Variants in GALNTL6 observed in about 807,000 individuals in gnomAD.
GALNTL6 encodes the protein polypeptide N-acetylgalactosaminyltransferase like 6.
GALNTL6 carries 46 observed loss-of-function variants against 73.7 expected under a neutral mutation model. The ratio of observed to expected loss-of-function variants is 0.62; its 90% confidence interval spans 0.49 to 0.80. The LOEUF is 0.80. Among genes scored for constraint, GALNTL6 ranks in the 30% least tolerant of loss-of-function variants. The probability of loss-of-function intolerance (pLI) is 0.00; values close to 1 mark genes in which losing one functional copy is unlikely to be tolerated. For synonymous variants in GALNTL6, 259 were observed against 263.7 expected, an observed-to-expected ratio of 0.98 and a Z score of 0.17; for missense variants, 604 against 755.0, an observed-to-expected ratio of 0.80 and a Z score of 2.34.
intron 2 of GALNTL6, among the ~76,000 whole-genome samples, chr4:171,876,913 C>G (rs1035506364): frequency 6.6e-6 from 1 of 152,116 alleles, no homozygotes; most frequent in African/African-American, 2.4e-5. Context: ...CCAAAATAGC[C>G]CCCAGTCTCT....
chr4:172,074,301 C>A (rs1049726213), intron 2 of GALNTL6, among the ~76,000 whole-genome samples: 25 of 152,174 alleles, frequency 1.6e-4, no homozygotes, highest in Non-Finnish European at 3.5e-4. Context: ...GTATTGCAAT[C>A]AAAAATGTAA....
chr4:172,131,269 A>G lies in GALNTL6; in HGVS notation c.139-98387A>G, dbSNP rs11938066. Among the ~76,000 whole-genome samples the G allele has an allele frequency of 8.1e-3, 1,233 of 151,406 alleles. 18 individuals carry two copies. Among genetic ancestry groups the G allele is most frequent in the African/African-American group, 0.028 (1,164 of 41,436 alleles). On this transcript the variant is annotated intron_variant, in intron 2 of 12. Coordinates refer to ENST00000506823, the MANE Select transcript of GALNTL6 (RefSeq NM_001034845.3). ...ACGAAATCTCTTCCTTTTTGTAAAT[A>G]ATTATAACTAGTAAAAGATTAATTC...
chr4:172,333,956 A>G (rs79382772), intron 4 of GALNTL6, among the ~76,000 whole-genome samples: 1,816 of 152,212 alleles, frequency 0.012, 33 homozygotes, highest in African/African-American at 0.041. Flanking sequence ...CCTTTTCCCA[A>G]TGTAAGTTCT....
intron 5 of GALNTL6, among the ~76,000 whole-genome samples, chr4:172,623,363 A>G (rs1402541170): frequency 1.3e-5 from 2 of 152,146 alleles, no homozygotes; most frequent in African/African-American, 4.8e-5. Flanking sequence ...TCATATGTAT[A>G]TAATTTTAAA....
intron 2 of GALNTL6, among the ~76,000 whole-genome samples, chr4:172,077,985 G>A (rs901966434): frequency 3.3e-5 from 5 of 152,122 alleles, no homozygotes; most frequent in African/African-American, 1.2e-4. Flanking sequence ...GGTACAGCTT[G>A]GGCCATGGCT....
intron 5 of GALNTL6, among the ~76,000 whole-genome samples, chr4:172,706,682 T>C (rs574101287): frequency 2.0e-5 from 3 of 152,280 alleles, no homozygotes; most frequent in East Asian, 3.9e-4. Flanking sequence ...AGCCCAGATT[T>C]GCCATAACTC....
chr4:172,656,078 C>T (rs1366750805), intron 5 of GALNTL6, among the ~76,000 whole-genome samples: 2 of 152,194 alleles, frequency 1.3e-5, no homozygotes, highest in Non-Finnish European at 2.9e-5. Flanking sequence ...GCCCAAGGTA[C>T]ACAGAGGCCA....
chr4:172,250,101 G>A (rs1459252099), intron 3 of GALNTL6, among the ~76,000 whole-genome samples: 2 of 152,140 alleles, frequency 1.3e-5, no homozygotes, highest in African/African-American at 4.8e-5. Flanking sequence ...ACCCTGCAAA[G>A]CCGTAGGGTA....
rs566924302 is a variant in GALNTL6 at position 172,836,321 on chromosome 4, A to G, written c.923+22598A>G. On this transcript the variant is annotated intron_variant, in intron 7 of 12. Coordinates refer to ENST00000506823, the MANE Select transcript of GALNTL6 (RefSeq NM_001034845.3). ...CAGCCAGGAAAGAGCACGATCTCAC[A>G]AGCTGTCAGCTTTCACTTCCCTTTC... is the stretch of plus-strand genomic sequence containing the variant. Among the ~76,000 whole-genome samples the G allele has an allele frequency of 1.1e-4, 17 of 152,318 alleles. No homozygotes were observed. In the East Asian group the frequency reaches 3.1e-3, roughly 28 times the overall value.
At chr4:172,457,573 A>C (rs954403186) in intron 5 of GALNTL6, among the ~76,000 whole-genome samples, 3 of 152,214 alleles carry the variant, frequency 2.0e-5, no homozygotes, top group African/African-American at 7.2e-5. Context: ...CTAGCCTCTG[A>C]TAAAACAGAC....
At chr4:172,114,816 C>G (rs891937370) in intron 2 of GALNTL6, among the ~76,000 whole-genome samples, 3 of 151,926 alleles carry the variant, frequency 2.0e-5, no homozygotes, top group Admixed American at 6.6e-5. Flanking sequence ...ATGAGACCTG[C>G]CTGCTAGAGA....
intron 3 of GALNTL6, among the ~76,000 whole-genome samples, chr4:172,301,224 C>T (rs1330822169): frequency 6.6e-6 from 1 of 152,180 alleles, no homozygotes; most frequent in East Asian, 1.9e-4. Flanking sequence ...CCATCAGGTC[C>T]TTTAAGGACT....
chr4:172,606,606 A>AG (rs1738287310), intron 5 of GALNTL6, among the ~76,000 whole-genome samples: 1 of 104,238 alleles, frequency 9.6e-6, no homozygotes, highest in African/African-American at 3.4e-5. Context: ...ATATATACAT[A>AG]TATACATATA....
intron 2 of GALNTL6, among the ~76,000 whole-genome samples, chr4:171,920,415 AG>A (rs950148052): frequency 6.6e-6 from 1 of 152,172 alleles, no homozygotes; most frequent in African/African-American, 2.4e-5. Context: ...GAAACAGTTT[AG>A]GGATGGCAGG....
intron 3 of GALNTL6, among the ~76,000 whole-genome samples, chr4:172,242,417 T>C (rs2110995633): frequency 6.6e-6 from 1 of 152,296 alleles, no homozygotes. Flanking sequence ...TTTTGAACTT[T>C]AAAATTTTTT....
chr4:172,978,061 A>G (rs192131349), intron 10 of GALNTL6, among the ~76,000 whole-genome samples: 2 of 152,214 alleles, frequency 1.3e-5, no homozygotes, highest in African/African-American at 4.8e-5. Flanking sequence ...AGCTGGTCTC[A>G]AAACTCCTGA....
At chr4:172,898,253 T>C (rs1017034245) in intron 8 of GALNTL6, among the ~76,000 whole-genome samples, 3 of 150,844 alleles carry the variant, frequency 2.0e-5, no homozygotes, top group African/African-American at 7.3e-5. Context: ...ATTGCCCAGT[T>C]CTCTACTTAC....
At chr4:171,907,341 A>C (rs1737319171) in intron 2 of GALNTL6, among the ~76,000 whole-genome samples, 1 of 152,200 alleles carries the variant, frequency 6.6e-6, no homozygotes, top group African/African-American at 2.4e-5. Flanking sequence ...GCATTCTTAT[A>C]CACCAACAAC....
chr4:171,986,752 G>A (rs112713195), intron 2 of GALNTL6, among the ~76,000 whole-genome samples: 149,179 of 152,204 alleles, frequency 0.98, 73,173 homozygotes, highest in Middle Eastern at 1. Context: ...ACTAAATGGA[G>A]TAAGAGAAGG....
Sources: allele counts gnomAD v4.1 joint callset (sites outside exome capture counted in the v4.1 genomes callset), GRCh38; gene constraint gnomAD v4.1.1; transcripts MANE v1.5; gene names NCBI Gene and HGNC (gene_info 2026-07-23, HGNC 2026-07-21).